Variants in CIT observed in about 807,000 individuals in gnomAD.
The protein encoded by CIT is citron rho-interacting serine/threonine kinase.
CIT carries 79 observed loss-of-function variants against 272.7 expected under a neutral mutation model. The ratio of observed to expected loss-of-function variants is 0.29; its 90% CI spans 0.24 to 0.35. The LOEUF is 0.35. Among genes scored for constraint, CIT ranks in the 10% least tolerant of loss-of-function variants. The pLI, the probability that CIT is intolerant of heterozygous loss-of-function variation, is 1.00. For missense variants in CIT, 1,909 were observed against 2,618.3 expected (o/e 0.73, Z 5.91); for synonymous variants, 948 against 995.6 (o/e 0.95, Z 0.90).
At chr12:119,863,224 A>T (rs949191041) in intron 3 of CIT, among the ~76,000 whole-genome samples, 1 of 150,732 alleles carries the variant, frequency 6.6e-6, no homozygotes, top group African/African-American at 2.4e-5. Context: ...AAAAAAAAAA[A>T]AGAGGCTGAC....
In CIT at chr12:119,710,014, G is replaced by A. The variant is rs187107337; in HGVS notation, c.5071+237C>T. On this transcript the variant is annotated intron_variant, in intron 39 of 47. Transcript: ENST00000392521. The surrounding 1 kb of genome is among the most constrained non-coding windows in gnomAD (Gnocchi z 5.6). Reference sequence around the variant, plus strand: ...TTCGAGGCTTAGCACTCTTCACTTGGCCTAACAGTGGGATGTTCTTTGGGA... The same window carrying A: ...TTCGAGGCTTAGCACTCTTCACTTGACCTAACAGTGGGATGTTCTTTGGGA... 3.9e-5 allele frequency among the ~76,000 whole-genome samples: 6 copies of A among 152,230 alleles called. No individual in the cohort carries two copies. Among genetic ancestry groups the A allele is most frequent in the African/African-American group, 2.4e-5 (1 of 41,532 alleles).
At chr12:119,866,335 G>C (rs993633955) in intron 3 of CIT, among the ~76,000 whole-genome samples, 2 of 151,998 alleles carry the variant, frequency 1.3e-5, no homozygotes, top group African/African-American at 4.8e-5. Context: ...GAGATCCTAT[G>C]TCCCTCCTAG....
chr12:119,766,889 A>T (rs1466284902), intron 19 of CIT, among the ~76,000 whole-genome samples, 198 bp downstream of exon 19: 1 of 151,118 alleles, frequency 6.6e-6, no homozygotes. Flanking sequence ...AAAAAAAAAA[A>T]GGTTTTTTTT....
intron 13 of CIT, 35 bp from the exon 14 acceptor site, chr12:119,776,877 C>T (rs759851911): frequency 2.6e-5 from 42 of 1,606,268 alleles, no homozygotes; most frequent in South Asian, 1.5e-4. Flanking sequence ...AGAGAACTTT[C>T]GAACTCCGAA....
At chr12:119,811,047 G>A (rs746285695) in intron 9 of CIT, among the ~76,000 whole-genome samples, 7 of 152,096 alleles carry the variant, frequency 4.6e-5, no homozygotes, top group Admixed American at 2.6e-4. Flanking sequence ...GTTCAAGACC[G>A]GGCCTGGTGG....
intron 28 of CIT, among the ~76,000 whole-genome samples, chr12:119,725,439 A>G (rs980139666): frequency 6.6e-6 from 1 of 152,136 alleles, no homozygotes; most frequent in Admixed American, 6.6e-5. Flanking sequence ...AAATAAAAAT[A>G]AAAATAAAAA....
At chr12:119,765,598 G>C (rs1417710642) in intron 19 of CIT, among the ~76,000 whole-genome samples, 1 of 150,456 alleles carries the variant, frequency 6.6e-6, no homozygotes, top group African/African-American at 2.5e-5. Context: ...AGCCTCCTGA[G>C]TAGCTGAGAC....
chr12:119,845,037 T>C (rs1212000869), intron 5 of CIT, among the ~76,000 whole-genome samples: 6 of 151,596 alleles, frequency 4.0e-5, no homozygotes. Flanking sequence ...GGTGAATCAC[T>C]TGAACCCAGG....
At chr12:119,794,457 T>C (rs58241355) in intron 10 of CIT, among the ~76,000 whole-genome samples, 8,516 of 152,228 alleles carry the variant, frequency 0.056, 750 homozygotes, top group African/African-American at 0.19. Context: ...GCATTGGTTC[T>C]GAGACAGGAA....
chr12:119,688,394 C>T (rs1460712214), intron 47 of CIT, 139 bp from the exon 48 acceptor site: 2 of 818,182 alleles, frequency 2.4e-6, no homozygotes, highest in African/African-American at 3.4e-5. Flanking sequence ...CAGGGCAGCA[C>T]CCGCTCCAGA....
intron 23 of CIT, among the ~76,000 whole-genome samples, chr12:119,749,675 G>C (rs948802711): frequency 5.3e-5 from 8 of 152,096 alleles, no homozygotes; most frequent in Non-Finnish European, 8.8e-5. Flanking sequence ...ATCTTCATCT[G>C]CAAAAGCAAC....
intron 5 of CIT, among the ~76,000 whole-genome samples, chr12:119,844,852 G>A (rs1969678624): frequency 6.6e-6 from 1 of 152,174 alleles, no homozygotes; most frequent in Non-Finnish European, 1.5e-5. Flanking sequence ...TGGGCACGGT[G>A]GCTCACGCCT....
chr12:119,757,432 ATCT>A lies in CIT; in HGVS notation c.2642_2644del (p.Lys881del). On this transcript the variant is annotated inframe_deletion, in exon 22 of 48. Transcript: ENST00000392521. ...CTTGTCACTGTGGTCTTGGTGGCTGATCTTCTCCAGCTGCTCCTCCAGTTTTCG... is the reference window on the plus strand; with the variant it reads ...CTTGTCACTGTGGTCTTGGTGGCTGATCTCCAGCTGCTCCTCCAGTTTTCG... The A allele has an allele frequency of 1.2e-6, 2 of 1,614,014 alleles. No individual in the cohort carries two copies. Among genetic ancestry groups the A allele is most frequent in the Non-Finnish European group, 1.7e-6 (2 of 1,179,992 alleles).
At chr12:119,721,477 C>T (rs1000669452) in intron 28 of CIT, 28 bp from the exon 29 acceptor site, 3 of 1,588,280 alleles carry the variant, frequency 1.9e-6, no homozygotes, top group African/African-American at 2.7e-5. Flanking sequence ...CAGGGAAATG[C>T]TTGATACTGC....
At chr12:119,737,439 T>C (rs1309253342) in intron 24 of CIT, among the ~76,000 whole-genome samples, 1 of 151,500 alleles carries the variant, frequency 6.6e-6, no homozygotes, top group Non-Finnish European at 1.5e-5. Flanking sequence ...AGGATGTACT[T>C]AAGACTTTGG....
At chr12:119,725,595 G>C (rs1593489165) in intron 28 of CIT, among the ~76,000 whole-genome samples, 1 of 152,212 alleles carries the variant, frequency 6.6e-6, no homozygotes, top group East Asian at 1.9e-4. Context: ...AACTGTCACT[G>C]AAATCTGCCT....
At chr12:119,688,843 C>G (rs1286887797) in intron 47 of CIT, among the ~76,000 whole-genome samples, 1 of 152,174 alleles carries the variant, frequency 6.6e-6, no homozygotes, top group African/African-American at 2.4e-5. Context: ...TTCTGTGTAG[C>G]CTTCCAGAAA....
intron 23 of CIT, among the ~76,000 whole-genome samples, chr12:119,743,085 A>C (rs1244413977): frequency 6.6e-6 from 1 of 152,188 alleles, no homozygotes; most frequent in Non-Finnish European, 1.5e-5. Context: ...GGACTTTTTT[A>C]GTGCATACTA....
intron 9 of CIT, among the ~76,000 whole-genome samples, chr12:119,812,471 A>T (rs1274963114): frequency 6.6e-6 from 1 of 150,982 alleles, no homozygotes; most frequent in East Asian, 2.0e-4. Context: ...ACAGTGTCTC[A>T]CTCTGATGCC....
Sources: gnomAD v4.1 joint callset for allele counts (sites outside exome capture counted in the v4.1 genomes callset) on GRCh38, gnomAD v4.1.1 for gene constraint, Gnocchi (gnomAD v3.1) non-coding constraint, MANE v1.5 for transcripts, NCBI Gene and HGNC (gene_info 2026-07-23, HGNC 2026-07-21) for gene names.